Variants in PDE1C observed in about 807,000 individuals in gnomAD.
PDE1C encodes the protein phosphodiesterase 1C.
PDE1C carries 62 observed loss-of-function variants against 93.1 expected under a neutral mutation model. The observed-to-expected ratio is 0.67, with a 90% CI of 0.54 to 0.82. The LOEUF (loss-of-function observed/expected upper bound fraction) is 0.82. Among genes scored for constraint, PDE1C ranks in the 40% least tolerant of loss-of-function variants. The pLI, the probability that PDE1C is intolerant of heterozygous loss-of-function variation, is 0.00. For missense variants in PDE1C, 742 were observed against 884.6 expected (o/e 0.84, Z 2.04); for synonymous variants, 325 against 310.1 (o/e 1.05, Z -0.50).
the PDE1C span, among the ~76,000 whole-genome samples, chr7:31,737,541 C>T: frequency 1.3e-5 from 2 of 152,026 alleles, no homozygotes; most frequent in Non-Finnish European, 2.9e-5. Context: ...GTGGCTCATG[C>T]CTGTAATGCC....
chr7:31,698,609 C>T, the PDE1C span, among the ~76,000 whole-genome samples: 11 of 152,310 alleles, frequency 7.2e-5, no homozygotes, highest in East Asian at 2.1e-3. Flanking sequence ...AAACTGTCTT[C>T]ATTCTTTTAA....
chr7:32,192,812 A>T (rs982679733), intron 2 of PDE1C, among the ~76,000 whole-genome samples: 1 of 152,154 alleles, frequency 6.6e-6, no homozygotes, highest in African/African-American at 2.4e-5. Context: ...CAATCCATGA[A>T]CACAGTATGC....
At chr7:31,897,581 A>G (rs1445398129) in intron 2 of PDE1C, among the ~76,000 whole-genome samples, 1 of 152,186 alleles carries the variant, frequency 6.6e-6, no homozygotes, top group African/African-American at 2.4e-5. Context: ...TGACGAGAGC[A>G]TATTTTTAAA....
chr7:32,115,693 G>T (rs1463844107), intron 3 of PDE1C, among the ~76,000 whole-genome samples: 1 of 152,150 alleles, frequency 6.6e-6, no homozygotes, highest in Non-Finnish European at 1.5e-5. Context: ...CAAATAGTTG[G>T]TCGACAATAG....
chr7:31,943,746 ACT>A (rs1342185939), intron 2 of PDE1C, among the ~76,000 whole-genome samples: 2 of 152,000 alleles, frequency 1.3e-5, no homozygotes, highest in African/African-American at 4.8e-5. Context: ...GGAATCTAAA[ACT>A]CTGCATTTTA....
chr7:31,883,831 C>A (rs1797551642), intron 2 of PDE1C, among the ~76,000 whole-genome samples: 1 of 152,190 alleles, frequency 6.6e-6, no homozygotes, highest in South Asian at 2.1e-4. Context: ...CTTTGTGCCA[C>A]AATTAGCAGA....
chr7:31,938,047 A>C (rs1345471473), intron 2 of PDE1C, among the ~76,000 whole-genome samples: 1 of 152,152 alleles, frequency 6.6e-6, no homozygotes, highest in African/African-American at 2.4e-5. Context: ...ACTTAAGATG[A>C]AGAGAAAGCC....
chr7:31,880,875 AG>A lies in PDE1C; in HGVS notation c.129-16del. On this transcript the variant is annotated splice_polypyrimidine_tract_variant and intron_variant, in intron 2 of 17. Transcript: ENST00000396191. Reference sequence around the variant, plus strand: ...AAGACCGTAATCTAGAAAAATAAAAAGACATAATTTCATTAGAATAGAGGAA... The same window carrying A: ...AAGACCGTAATCTAGAAAAATAAAAAACATAATTTCATTAGAATAGAGGAA... The A allele has an allele frequency of 6.9e-7, 1 of 1,445,242 alleles. No individual in the cohort carries two copies. Among genetic ancestry groups the A allele is most frequent in the Non-Finnish European group, 9.7e-7 (1 of 1,027,300 alleles). 89.5% of individuals were successfully genotyped at this position (1,445,242 alleles called of 1,614,324 possible). A position where few individuals can be genotyped will look rare whatever the true frequency, so the allele number is the denominator to read the frequency against.
intron 3 of PDE1C, among the ~76,000 whole-genome samples, chr7:32,117,702 C>A (rs546734752): frequency 6.6e-6 from 1 of 152,280 alleles, no homozygotes; most frequent in South Asian, 2.1e-4. Context: ...ATCACTCTGG[C>A]TAGAGGTGTG....
chr7:32,118,617 C>T (rs956820182), intron 3 of PDE1C, among the ~76,000 whole-genome samples: 10 of 152,104 alleles, frequency 6.6e-5, no homozygotes, highest in African/African-American at 2.4e-4. Context: ...ATGGTGCTGG[C>T]ATCTGGTGGA....
rs796122014 is a variant in PDE1C at position 32,341,173 on chromosome 7, C to CTATTTTTTTT, written c.310+86648_310+86649insAAAAAAAATA. ...CCTAAAACTACTCTAGAAATAAAGTCTTTTTTTTTTTTTTTTTTTTGAGAC... is the reference window on the plus strand; with the variant it reads ...CCTAAAACTACTCTAGAAATAAAGTCTATTTTTTTTTTTTTTTTTTTTTTTTTTTTGAGAC... On this transcript the variant is annotated intron_variant, in intron 1 of 1. Coordinates refer to the PDE1C transcript ENST00000672256. Among the ~76,000 whole-genome samples, 145 of 84,952 alleles carry CTATTTTTTTT rather than the reference C, an allele frequency of 1.7e-3. 9 individuals carry two copies. Among genetic ancestry groups the CTATTTTTTTT allele is most frequent in the African/African-American group, 5.9e-3 (136 of 23,016 alleles). The allele number at this position is 84,952 out of a possible 152,430, so 55.7% of individuals were successfully genotyped here.
At chr7:31,652,334 A>C in the PDE1C span, among the ~76,000 whole-genome samples, 1 of 152,158 alleles carries the variant, frequency 6.6e-6, no homozygotes, top group Non-Finnish European at 1.5e-5. Context: ...TAAGAATCAC[A>C]GGCACAGTGA....
intron 2 of PDE1C, among the ~76,000 whole-genome samples, chr7:31,964,804 T>C (rs1316576928): frequency 6.6e-6 from 1 of 152,182 alleles, no homozygotes; most frequent in African/African-American, 2.4e-5. Flanking sequence ...TTCACCAATA[T>C]ATGCTGTTCC....
intron 1 of PDE1C, among the ~76,000 whole-genome samples, chr7:32,296,733 T>C (rs1812623846): frequency 6.6e-6 from 1 of 152,226 alleles, no homozygotes; most frequent in Non-Finnish European, 1.5e-5. Flanking sequence ...CTGGTATAAC[T>C]TTTGAGAATT....
At chr7:32,018,531 T>C (rs1788220556) in intron 2 of PDE1C, among the ~76,000 whole-genome samples, 1 of 152,166 alleles carries the variant, frequency 6.6e-6, no homozygotes, top group Admixed American at 6.5e-5. Context: ...TGGATGAATC[T>C]TGAAATCTTT....
chr7:31,985,820 T>C (rs770497905), intron 2 of PDE1C, among the ~76,000 whole-genome samples: 5 of 152,196 alleles, frequency 3.3e-5, no homozygotes, highest in African/African-American at 9.7e-5. Flanking sequence ...CAGTCTATCA[T>C]TGATGGACAT....
chr7:32,180,898 G>C (rs1803356789), intron 2 of PDE1C, among the ~76,000 whole-genome samples: 1 of 152,158 alleles, frequency 6.6e-6, no homozygotes, highest in Admixed American at 6.5e-5. Context: ...AGAATGGACT[G>C]TGTCCCATCT....
At chr7:32,413,053 C>G (rs1369769364) in intron 1 of PDE1C, among the ~76,000 whole-genome samples, 2 of 152,104 alleles carry the variant, frequency 1.3e-5, no homozygotes, top group Non-Finnish European at 2.9e-5. Flanking sequence ...ATGCATTTCT[C>G]AAAACTCAGC....
At chr7:31,792,759 A>G (rs1313887546) in intron 16 of PDE1C, among the ~76,000 whole-genome samples, 1 of 152,104 alleles carries the variant, frequency 6.6e-6, no homozygotes, top group Non-Finnish European at 1.5e-5. Context: ...AAGACTACAA[A>G]GTATATGAAA....
Sources: allele counts gnomAD v4.1 joint callset (sites outside exome capture counted in the v4.1 genomes callset), GRCh38; gene constraint gnomAD v4.1.1; transcripts MANE v1.5; gene names NCBI Gene and HGNC (gene_info 2026-07-23, HGNC 2026-07-21).